Variants in CNTNAP3B observed in about 807,000 individuals in gnomAD.
CNTNAP3B encodes the protein contactin-associated protein-like 3B.
CNTNAP3B carries 25 observed loss-of-function variants against 108.9 expected under a neutral mutation model. The ratio of observed to expected loss-of-function variants is 0.23; its 90% CI spans 0.17 to 0.32. The LOEUF (loss-of-function observed/expected upper bound fraction) is 0.32, where lower values mean the gene tolerates loss of function less well. CNTNAP3B is among the 10% of genes least tolerant of loss of function. The pLI, the probability that CNTNAP3B is intolerant of heterozygous loss-of-function variation, is 1.00. For missense variants in CNTNAP3B, 252 were observed against 1,210.4 expected, an observed-to-expected ratio of 0.21 and a Z score of 11.75; for synonymous variants, 103 against 473.4, an observed-to-expected ratio of 0.22 and a Z score of 10.16.
chr9:41,946,064 G>A lies in CNTNAP3B; in HGVS notation c.2080+7119C>T, dbSNP rs1478736441. The stretch of plus-strand genomic sequence containing the variant: ...ATAATGCTTAATATGTATATACCTA[G>A]CAACAGAAGAGTCAAAATATATTAG... On this transcript the variant is annotated intron_variant, in intron 13 of 23. Coordinates refer to ENST00000377561, the MANE Select transcript of CNTNAP3B (RefSeq NM_001201380.3). Among the ~76,000 whole-genome samples, 3 of 151,378 alleles carry A rather than the reference G, an allele frequency of 2.0e-5. No homozygotes were observed. In the East Asian group the frequency reaches 5.8e-4, roughly 29 times the overall value.
chr9:41,935,385 C>A (rs1179380047), intron 14 of CNTNAP3B, among the ~76,000 whole-genome samples: 1 of 152,268 alleles, frequency 6.6e-6, no homozygotes, highest in Non-Finnish European at 1.5e-5. Context: ...TACTTTCATT[C>A]CCAAATACTA....
chr9:42,080,352 C>T lies in CNTNAP3B; in HGVS notation c.197-3290G>A, dbSNP rs981036952. Among the ~76,000 whole-genome samples the T allele has an allele frequency of 2.2e-5, 3 of 139,064 alleles. 1 individual carries two copies. The highest frequency in any genetic ancestry group is 4.6e-5 in the Non-Finnish European group (3 of 64,912). 91.2% of individuals were successfully genotyped at this position (139,064 alleles called of 152,430 possible). ...TACTGATAAAGTAATGAAATTCTGG[C>T]ATTACCAAAGAATTTCATCAGGATG... On this transcript the variant is annotated intron_variant, in intron 2 of 23. Transcript: ENST00000377561.
chr9:41,929,541 G>GA, intron 14 of CNTNAP3B, 97 bp from the exon 15 acceptor site: 1 of 1,436,326 alleles, frequency 7.0e-7, no homozygotes. Context: ...TAACATCATA[G>GA]AGCTTAACAG....
intron 1 of CNTNAP3B, among the ~76,000 whole-genome samples, chr9:42,121,868 T>C (rs1828470792): frequency 7.2e-6 from 1 of 139,712 alleles, no homozygotes; most frequent in African/African-American, 2.8e-5. Flanking sequence ...AACAAATGAG[T>C]CTGCCAGTTT....
In CNTNAP3B at chr9:42,097,459, G is replaced by T. The variant is rs1324952332; in HGVS notation, c.196+7170C>A. On this transcript the variant is annotated intron_variant, in intron 2 of 23. Transcript: ENST00000377561. ...TTTTCTAGTCCAGATTGTGAAATTT[G>T]TATTTGTTACTATCTTTGTTTTTAT... Among the ~76,000 whole-genome samples the T allele has an allele frequency of 1.9e-4, 27 of 139,990 alleles. 5 individuals carry two copies. Among genetic ancestry groups the T allele is most frequent in the African/African-American group, 7.6e-4 (27 of 35,514 alleles). 91.8% of individuals were successfully genotyped at this position (139,990 alleles called of 152,430 possible).
rs1826001032 is a variant in CNTNAP3B, at chr9:42,001,335, G to A, written c.539-2731C>T. On this transcript the variant is annotated intron_variant, in intron 4 of 23. Coordinates refer to ENST00000377561, the MANE Select transcript of CNTNAP3B (RefSeq NM_001201380.3). ...AGGGGGAGGTGGGAGGATCGCTTGA[G>A]CTCGGGAGGTGGAGGCTGCAGTGAG... Among the ~76,000 whole-genome samples the A allele has an allele frequency of 1.3e-4, 16 of 123,740 alleles. 1 individual carries two copies. In the South Asian group the frequency reaches 4.4e-3, roughly 34 times the overall value. The allele number at this position is 123,740 out of a possible 152,430, so 81.2% of individuals were successfully genotyped here. A position where few individuals can be genotyped will look rare whatever the true frequency, so the allele number is the denominator to read the frequency against.
intron 8 of CNTNAP3B, among the ~76,000 whole-genome samples, chr9:41,990,695 C>T (rs1321764489): frequency 2.2e-5 from 3 of 134,484 alleles, no homozygotes; most frequent in African/African-American, 8.7e-5. Context: ...CCATTTAGTT[C>T]CGATGCCAAT....
chr9:42,079,917 T>C (rs1265015841), intron 2 of CNTNAP3B, among the ~76,000 whole-genome samples: 2 of 132,524 alleles, frequency 1.5e-5, no homozygotes, highest in African/African-American at 3.1e-5. Flanking sequence ...GGGAATTTTA[T>C]ACACAGAGCT....
intron 11 of CNTNAP3B, among the ~76,000 whole-genome samples, chr9:41,963,874 A>T (rs1242085462): frequency 6.6e-6 from 1 of 152,312 alleles, no homozygotes; most frequent in Non-Finnish European, 1.5e-5. Context: ...CAGCTGCTTT[A>T]GGGTTAAATG....
At chr9:41,934,691 G>A (rs1824101129) in intron 14 of CNTNAP3B, among the ~76,000 whole-genome samples, 2 of 152,276 alleles carry the variant, frequency 1.3e-5, no homozygotes, top group African/African-American at 4.8e-5. Context: ...TATTTACTTG[G>A]TAAATATTTT....
At chr9:41,937,711 T>C (rs1824201001) in intron 14 of CNTNAP3B, among the ~76,000 whole-genome samples, 2 of 152,164 alleles carry the variant, frequency 1.3e-5, no homozygotes, top group African/African-American at 2.4e-5. Flanking sequence ...ACAGAACAGT[T>C]GGTGCTTGAA....
At chr9:42,030,161 GA>G (rs1166013069) in intron 3 of CNTNAP3B, among the ~76,000 whole-genome samples, 8 of 88,792 alleles carry the variant, frequency 9.0e-5, no homozygotes, top group East Asian at 7.6e-4. Context: ...AAAAGAAAAA[GA>G]AAAAAAAAGA....
intron 18 of CNTNAP3B, among the ~76,000 whole-genome samples, chr9:41,916,588 T>A (rs1588036968): frequency 6.7e-6 from 1 of 148,602 alleles, no homozygotes; most frequent in African/African-American, 2.5e-5. Flanking sequence ...TTTTTATGAA[T>A]ACCTAATAGT....
rs1485740958 is a variant in CNTNAP3B, at chr9:42,110,902, G to A, written c.86-6163C>T. 6.4e-4 allele frequency among the ~76,000 whole-genome samples: 90 copies of A among 139,638 alleles called. 14 individuals carry two copies. Among genetic ancestry groups the A allele is most frequent in the Non-Finnish European group, 1.2e-3 (76 of 64,970 alleles). 91.6% of individuals were successfully genotyped at this position (139,638 alleles called of 152,430 possible). The stretch of plus-strand genomic sequence containing the variant: ...CATTGCTATCTAGAGGGAATGCTTC[G>A]GAAAAAGTACATTTTACTCACAGTG... On this transcript the variant is annotated intron_variant, in intron 1 of 23. Coordinates refer to ENST00000377561, the MANE Select transcript of CNTNAP3B (RefSeq NM_001201380.3).
At chr9:41,997,330 C>G (rs973693295) in intron 6 of CNTNAP3B, among the ~76,000 whole-genome samples, 3 of 152,204 alleles carry the variant, frequency 2.0e-5, no homozygotes, top group African/African-American at 7.2e-5. Context: ...CTTGGTATTT[C>G]TGCATTTGTG....
chr9:42,103,188 C>CA (rs1828030554), intron 2 of CNTNAP3B, among the ~76,000 whole-genome samples: 1 of 137,996 alleles, frequency 7.2e-6, no homozygotes, highest in Non-Finnish European at 1.5e-5. Flanking sequence ...AATGACCATC[C>CA]ACTGAGGCTC....
rs1443902428 is a variant in CNTNAP3B, at chr9:41,969,715, T to G, written c.1649+359A>C. 8.3e-3 allele frequency among the ~76,000 whole-genome samples: 1,224 copies of G among 147,742 alleles called. 5 individuals are homozygous for G. The highest frequency in any genetic ancestry group is 0.02 in the African/African-American group (784 of 39,088). ...TCACTGCAAGCTCCACCTCCCGGGT[T>G]CATGCCATTCTCCTGCCTCAGCCTC... On this transcript the variant is annotated intron_variant, in intron 10 of 23. Transcript: ENST00000377561.
Position 41,953,234 on chromosome 9 carries a change from C to A in CNTNAP3B, c.2029G>T (p.Glu677Ter), listed in dbSNP as rs765275752. 903 of 1,527,684 alleles carry A rather than the reference C, an allele frequency of 5.9e-4. 3 individuals are homozygous for A. The Admixed American group carries it at 0.016, about 27-fold the overall frequency. The allele number at this position is 1,527,684 out of a possible 1,614,324, so 94.6% of individuals were successfully genotyped here. The change falls in exon 13 of 24, where the codon GAG becomes TAG. Residue 677 changes from glutamate to a stop codon, truncating the protein, a stop_gained. Coordinates refer to ENST00000377561, the MANE Select transcript of CNTNAP3B (RefSeq NM_001201380.3). LOFTEE classifies it high-confidence loss of function. Reference protein sequence around the residue: ...RAAVNLAERCEQRLALRCGTA... With the variant: ...RAAVNLAERC Reference sequence around the variant, plus strand: ...CCGCAGCGCAGAGCCAGCCGCTGCTCGCAGCGCTCCGCCAGGTTCACCGCG... The same window carrying A: ...CCGCAGCGCAGAGCCAGCCGCTGCTAGCAGCGCTCCGCCAGGTTCACCGCG...
chr9:42,037,066 CA>C lies in CNTNAP3B; in HGVS notation c.391-23542del, dbSNP rs371153816. ...TCTGTACGTCACCATCATCAAAGGC[CA>C]AAGGTAGATAAAACCACAAAGAAGG... On this transcript the variant is annotated intron_variant, in intron 3 of 23. Coordinates refer to ENST00000377561, the MANE Select transcript of CNTNAP3B (RefSeq NM_001201380.3). Among the ~76,000 whole-genome samples the C allele has an allele frequency of 8.0e-4, 108 of 135,096 alleles. 3 individuals carry two copies. In the South Asian group the frequency reaches 0.019, roughly 23 times the overall value. The allele number at this position is 135,096 out of a possible 152,430, so 88.6% of individuals were successfully genotyped here.
Sources: gnomAD v4.1 joint callset for allele counts (sites outside exome capture counted in the v4.1 genomes callset) on GRCh38, gnomAD v4.1.1 for gene constraint, MANE v1.5 for transcripts, NCBI Gene and HGNC (gene_info 2026-07-23, HGNC 2026-07-21) for gene names.